RTF2: variants seen among roughly 807,000 people sequenced by gnomAD.
RTF2 encodes UPF0549 protein C20orf43.
Under a neutral mutation model 38.0 loss-of-function variants are expected in RTF2, and 18 were observed. The ratio of observed to expected loss-of-function variants is 0.47; its 90% CI spans 0.33 to 0.70. The LOEUF is 0.70. Among genes scored for constraint, RTF2 ranks in the 30% least tolerant of loss-of-function variants. The pLI is 0.02. For missense variants in RTF2, 311 were observed against 379.6 expected, an observed-to-expected ratio of 0.82 and a Z score of 1.50; for synonymous variants, 126 against 137.1, an observed-to-expected ratio of 0.92 and a Z score of 0.57.
intron 5 of RTF2, among the ~76,000 whole-genome samples, chr20:56,511,163 T>G (rs1189135491): frequency 1.3e-5 from 2 of 152,068 alleles, no homozygotes; most frequent in Non-Finnish European, 2.9e-5. Context: ...TTAAAATAAG[T>G]TTTAAAGCTT....
intron 4 of RTF2, among the ~76,000 whole-genome samples, chr20:56,478,623 G>A (rs771844220): frequency 4.6e-5 from 7 of 152,154 alleles, no homozygotes; most frequent in African/African-American, 9.7e-5. Context: ...AACCTTCAGC[G>A]AGTCATCATC....
At chr20:56,471,878 T>C (rs1981990822) in intron 1 of RTF2, among the ~76,000 whole-genome samples, 2 of 152,224 alleles carry the variant, frequency 1.3e-5, no homozygotes, top group South Asian at 4.1e-4. Flanking sequence ...TGGAAACTGC[T>C]TAGCACAGTG....
intron 5 of RTF2, among the ~76,000 whole-genome samples, chr20:56,494,108 G>C (rs1236453635): frequency 6.6e-6 from 1 of 152,070 alleles, no homozygotes; most frequent in Non-Finnish European, 1.5e-5. Flanking sequence ...GCTCGGACCC[G>C]GAAGATTTAC....
intron 5 of RTF2, among the ~76,000 whole-genome samples, chr20:56,506,994 C>A (rs1286934569): frequency 2.0e-5 from 3 of 152,128 alleles, no homozygotes; most frequent in African/African-American, 7.2e-5. Flanking sequence ...GCCACCGCGC[C>A]TGGCCGTATT....
intron 5 of RTF2, among the ~76,000 whole-genome samples, chr20:56,501,326 G>A (rs1983915088): frequency 6.6e-6 from 1 of 151,940 alleles, no homozygotes; most frequent in African/African-American, 2.4e-5. Context: ...CTATTTTAAT[G>A]AAAAAATAAT....
chr20:56,506,262 A>G (rs564596258), intron 5 of RTF2, among the ~76,000 whole-genome samples: 17 of 152,294 alleles, frequency 1.1e-4, no homozygotes, highest in African/African-American at 4.1e-4. Context: ...GAGGAAACAC[A>G]CTGTTTCAAA....
intron 7 of RTF2, 48 bp downstream of exon 7, chr20:56,517,037 G>A: frequency 6.2e-7 from 1 of 1,607,052 alleles, no homozygotes; most frequent in Non-Finnish European, 8.5e-7. Flanking sequence ...CGACTCTAGG[G>A]CAGTCTGCTA....
At chr20:56,503,525 T>C (rs547027449) in intron 5 of RTF2, among the ~76,000 whole-genome samples, 2 of 152,346 alleles carry the variant, frequency 1.3e-5, no homozygotes, top group Non-Finnish European at 2.9e-5. Flanking sequence ...GGGAAAATAT[T>C]CTACTTTTAT....
Position 56,468,690 on chromosome 20 carries a change from G to A in RTF2, c.-8G>A. 6.4e-7 allele frequency: 1 copy of A among 1,573,802 alleles called. No individual in the cohort carries two copies. On this transcript the variant is annotated 5_prime_UTR_variant, in exon 1 of 9. Coordinates refer to ENST00000357348, the MANE Select transcript of RTF2 (RefSeq NM_016407.5). ...GGGTTTGCTGCTGGCTCTGACTCCC[G>A]TCCTGCGATGGGTTGCGACGGGGGA... is the stretch of plus-strand genomic sequence containing the variant.
At chr20:56,472,355 G>A in intron 1 of RTF2, 1 of 1,544,960 alleles carries the variant, frequency 6.5e-7, no homozygotes, top group Non-Finnish European at 8.8e-7. Flanking sequence ...GGAAAGAGTG[G>A]TGCAGTCTAC....
intron 3 of RTF2, 71 bp downstream of exon 3, chr20:56,474,842 C>A: frequency 3.0e-6 from 3 of 998,794 alleles, no homozygotes; most frequent in Non-Finnish European, 4.5e-6. Context: ...AGAATTTATA[C>A]GCCTTAAAGA....
Position 56,505,315 on chromosome 20 carries a change from G to A in RTF2, c.478-8000G>A, listed in dbSNP as rs572356673. Among the ~76,000 whole-genome samples, 18 of 151,908 alleles carry A rather than the reference G, an allele frequency of 1.2e-4. No individual in the cohort carries two copies. The East Asian group carries it at 1.4e-3, about 11-fold the overall frequency. ...CAGCCTGGAAACATAGCAAGACCCC[G>A]TCTCTACAAAAAATTCTTAAAAATT... On this transcript the variant is annotated intron_variant, in intron 5 of 8. Transcript: ENST00000357348.
At position 56,486,656 on chromosome 20, in the gene RTF2, T is replaced by A. The variant is rs140192543; in HGVS notation, c.477+2467T>A. The stretch of plus-strand genomic sequence containing the variant: ...AGAGTGAGACTCCATCTCAAAAAAA[T>A]AAATAAATAAATAAAAAATAAAGTT... On this transcript the variant is annotated intron_variant, in intron 5 of 8. Coordinates refer to ENST00000357348, the MANE Select transcript of RTF2 (RefSeq NM_016407.5). 6.6e-4 allele frequency among the ~76,000 whole-genome samples: 100 copies of A among 151,844 alleles called. 3 individuals are homozygous for A. In the East Asian group the frequency reaches 0.017, roughly 26 times the overall value.
intron 4 of RTF2, among the ~76,000 whole-genome samples, chr20:56,480,677 T>G (rs1044507855): frequency 6.6e-6 from 1 of 152,216 alleles, no homozygotes; most frequent in South Asian, 2.1e-4. Flanking sequence ...CTTCTTTTAC[T>G]TGGACACTTA....
chr20:56,498,185 T>G (rs1206731722), intron 5 of RTF2, among the ~76,000 whole-genome samples: 1 of 152,252 alleles, frequency 6.6e-6, no homozygotes, highest in Non-Finnish European at 1.5e-5. Flanking sequence ...AAGTTCATTG[T>G]GTGCCATTAT....
At chr20:56,477,248 G>C (rs1405130737) in intron 4 of RTF2, 124 bp downstream of exon 4, 4 of 1,090,462 alleles carry the variant, frequency 3.7e-6, no homozygotes, top group Non-Finnish European at 5.3e-6. Flanking sequence ...GTTTGGTGGC[G>C]CCTTGGAGGA....
At chr20:56,502,195 C>T (rs1373383021) in intron 5 of RTF2, among the ~76,000 whole-genome samples, 2 of 152,070 alleles carry the variant, frequency 1.3e-5, no homozygotes, top group African/African-American at 4.8e-5. Context: ...AACTTTTTTC[C>T]CGTTTATGTA....
chr20:56,486,420 G>A (rs1461558424), intron 5 of RTF2, among the ~76,000 whole-genome samples: 1 of 152,112 alleles, frequency 6.6e-6, no homozygotes, highest in Non-Finnish European at 1.5e-5. Context: ...AGGCCAAGGC[G>A]GGTGGATCAC....
intron 5 of RTF2, among the ~76,000 whole-genome samples, chr20:56,485,671 T>C (rs1049660754): frequency 6.6e-6 from 1 of 152,214 alleles, no homozygotes; most frequent in African/African-American, 2.4e-5. Context: ...GTCTGTCTTA[T>C]TAAGCTTTCT....
Sources: allele counts gnomAD v4.1 joint callset (sites outside exome capture counted in the v4.1 genomes callset), GRCh38; gene constraint gnomAD v4.1.1; transcripts MANE v1.5; gene names NCBI Gene and HGNC (gene_info 2026-07-23, HGNC 2026-07-21).